Variants in KASH5 observed in about 807,000 individuals in gnomAD.
KASH5 encodes the protein KASH domain containing 5, also known as protein KASH5.
Under a neutral mutation model 84.2 loss-of-function variants are expected in KASH5, and 72 were observed. The observed-to-expected ratio is 0.85, with a 90% CI of 0.71 to 1.04. KASH5 has a LOEUF of 1.04. KASH5 is among the 50% of genes least tolerant of loss of function. The pLI, the probability that KASH5 is intolerant of heterozygous loss-of-function variation, is 0.00. For synonymous variants in KASH5, 260 were observed against 279.1 expected (o/e 0.93, Z 0.68); for missense variants, 650 against 701.0 (o/e 0.93, Z 0.82).
intron 5 of KASH5, among the ~76,000 whole-genome samples, chr19:49,396,947 G>A (rs1167236499): frequency 6.6e-6 from 1 of 151,878 alleles, no homozygotes; most frequent in Non-Finnish European, 1.5e-5. Context: ...GGTCCTAGCC[G>A]GGACACTGAG....
chr19:49,407,744 TCTC>T, intron 12 of KASH5, 73 bp downstream of exon 12: 5 of 1,463,618 alleles, frequency 3.4e-6, no homozygotes, highest in Non-Finnish European at 3.8e-6. Flanking sequence ...ACTTGCTGCC[TCTC>T]CTCCTCGTGC....
At position 49,388,264 on chromosome 19, in the gene KASH5, A is replaced by G. The variant is rs1293537727; in HGVS notation, c.-159A>G. 1.3e-5 allele frequency: 2 copies of G among 152,180 alleles called. No individual in the cohort carries two copies. The highest frequency in any genetic ancestry group is 2.4e-5 in the African/African-American group (1 of 41,432). 9.4% of individuals were successfully genotyped at this position (152,180 alleles called of 1,614,324 possible). ...GGAAAAGCTCACGCGCACCTCCCCCAACTCAACTGCCGTTCGTCGTTCGTG... is the reference window on the plus strand; with the variant it reads ...GGAAAAGCTCACGCGCACCTCCCCCGACTCAACTGCCGTTCGTCGTTCGTG... On this transcript the variant is annotated 5_prime_UTR_variant, in exon 1 of 20. Transcript: ENST00000447857.
intron 2 of KASH5, chr19:49,391,761 CTGT>C (rs1198142246): frequency 1.3e-5 from 2 of 152,176 alleles, no homozygotes; most frequent in African/African-American, 4.8e-5. Flanking sequence ...AGCTCACTTA[CTGT>C]TGAGTGAACG....
In KASH5 at chr19:49,414,312, T is replaced by A. The variant is rs1400510425; in HGVS notation, c.1329-639T>A. On this transcript the variant is annotated intron_variant, in intron 16 of 19. Transcript: ENST00000447857. The surrounding 1 kb of genome is among the most constrained non-coding windows in gnomAD (Gnocchi z 4.5). ...CTTCCAGTCCTCCTGGAAGAGGGTC[T>A]TGCACCTAAGAGGATTCGGCATGGG... is the stretch of plus-strand genomic sequence containing the variant. 6.6e-6 allele frequency among the ~76,000 whole-genome samples: 1 copy of A among 152,072 alleles called. No individual in the cohort carries two copies. Among genetic ancestry groups the A allele is most frequent in the Non-Finnish European group, 1.5e-5 (1 of 67,996 alleles).
intron 10 of KASH5, 95 bp from the exon 11 acceptor site, chr19:49,407,145 G>C (rs757894941): frequency 1.9e-5 from 28 of 1,449,922 alleles, no homozygotes; most frequent in Non-Finnish European, 2.6e-5. Flanking sequence ...GGCTGAATAC[G>C]TGGGGGTGCG....
At chr19:49,393,999 T>C (rs1191557220) in intron 2 of KASH5, among the ~76,000 whole-genome samples, 1 of 152,170 alleles carries the variant, frequency 6.6e-6, no homozygotes, top group Non-Finnish European at 1.5e-5. Flanking sequence ...GAGAGAGACC[T>C]GGTCCCCAGG....
Position 49,399,731 on chromosome 19 carries a change from C to G in KASH5, c.798+224C>G. ...CTACATGGCTTCAGGCTGAGGCCAC[C>G]TACATAAGAGTGGACCAGTGCCTCC... On this transcript the variant is annotated intron_variant, in intron 9 of 19. Transcript: ENST00000447857. This position sits in a 1 kb window ranked among gnomAD's most constrained non-coding sequence, Gnocchi z 4.4. The G allele has an allele frequency of 5.3e-6, 7 of 1,327,104 alleles. No homozygotes were observed. The highest frequency in any genetic ancestry group is 1.5e-5 in the African/African-American group (1 of 67,956). 82.2% of individuals were successfully genotyped at this position (1,327,104 alleles called of 1,614,324 possible). A position where few individuals can be genotyped will look rare whatever the true frequency, so the allele number is the denominator to read the frequency against.
intron 2 of KASH5, among the ~76,000 whole-genome samples, chr19:49,393,898 C>T (rs1974086620): frequency 6.6e-6 from 1 of 152,186 alleles, no homozygotes. Flanking sequence ...TCCCTCACTG[C>T]CCACCCTGTC....
At chr19:49,394,801 C>A in intron 3 of KASH5, 1 of 591,954 alleles carries the variant, frequency 1.7e-6, no homozygotes, top group Non-Finnish European at 3.0e-6. Flanking sequence ...TGGAAGAGGG[C>A]AGAGTTTTGG....
intron 3 of KASH5, chr19:49,394,889 T>C: frequency 3.4e-6 from 2 of 588,928 alleles, no homozygotes; most frequent in Non-Finnish European, 6.0e-6. Flanking sequence ...TCCATCCCCT[T>C]TGGTTTACCC....
At chr19:49,410,059 C>T (rs1403702814) in intron 15 of KASH5, among the ~76,000 whole-genome samples, 184 bp downstream of exon 15, 2 of 152,246 alleles carry the variant, frequency 1.3e-5, no homozygotes, top group East Asian at 3.8e-4. Flanking sequence ...ACCCCTACCC[C>T]AGGGACTGAC....
At chr19:49,391,048 G>T (rs1973988042) in intron 2 of KASH5, 122 bp downstream of exon 2, 2 of 1,073,362 alleles carry the variant, frequency 1.9e-6, no homozygotes, top group Admixed American at 2.5e-5. Flanking sequence ...CCTTTGCATG[G>T]GTGCAGAGTG....
Position 49,417,446 on chromosome 19 carries a change from G to A in KASH5, c.1625G>A (p.Gly542Asp). The A allele has an allele frequency of 1.3e-6, 2 of 1,555,114 alleles. No individual in the cohort carries two copies. The highest frequency in any genetic ancestry group is 1.2e-5 in the South Asian group (1 of 84,248). ...CTGCTGCTCTCTGTCCTGCTGCTTG[G>A]CCCGTCCCCACCTCCCACCTGGCCC... is the stretch of plus-strand genomic sequence containing the variant. ...LLLLLSVLLL[G>D]PSPPPTWPHL... Residue 542 changes from glycine to aspartate, a missense_variant, in exon 20 of 20, where the codon GGC (glycine) becomes GAC (aspartate). Physicochemically the swap from Gly to Asp is moderately conservative, Grantham distance 94. Transcript: ENST00000447857. The surrounding 1 kb of genome is among the most constrained non-coding windows in gnomAD (Gnocchi z 5.2).
chr19:49,389,103 G>C, intron 1 of KASH5, among the ~76,000 whole-genome samples: 1 of 97,094 alleles, frequency 1.0e-5, no homozygotes, highest in Non-Finnish European at 1.9e-5. Context: ...CCAAAATCCA[G>C]CCAGAGACCC....
At chr19:49,396,734 A>C (rs1255488804) in intron 5 of KASH5, among the ~76,000 whole-genome samples, 1 of 151,976 alleles carries the variant, frequency 6.6e-6, no homozygotes, top group Non-Finnish European at 1.5e-5. Flanking sequence ...TCACCATTGT[A>C]TCCCCAGGAC....
chr19:49,397,286 G>A (rs1354938832), intron 5 of KASH5, among the ~76,000 whole-genome samples: 1 of 151,988 alleles, frequency 6.6e-6, no homozygotes, highest in Non-Finnish European at 1.5e-5. Context: ...GGAGCAGAGA[G>A]TCAGGGGCAG....
In KASH5 at chr19:49,390,835, A is replaced by T. The variant is rs1482643897; in HGVS notation, c.-49A>T. 1 of 1,565,668 alleles carries T rather than the reference A, an allele frequency of 6.4e-7. No individual in the cohort carries two copies. The highest frequency in any genetic ancestry group is 8.6e-7 in the Non-Finnish European group (1 of 1,158,716). On this transcript the variant is annotated 5_prime_UTR_variant, in exon 2 of 20. Transcript: ENST00000447857. ...CTTTTCCCATCCCTCCCCATGAAGG[A>T]GGGAGGCTGGTAGCTTTGCCAGCAG...
rs922246974 is a variant in KASH5, at chr19:49,417,452, C to T, written c.1631C>T (p.Ser544Phe). Reference sequence around the variant, plus strand: ...CTCTCTGTCCTGCTGCTTGGCCCGTCCCCACCTCCCACCTGGCCCCACCTC... The same window carrying T: ...CTCTCTGTCCTGCTGCTTGGCCCGTTCCCACCTCCCACCTGGCCCCACCTC... ...LLLSVLLLGP[S>F]PPPTWPHLQL... Residue 544 changes from serine (S) to phenylalanine (F), a missense_variant, in exon 20 of 20, where the codon TCC becomes TTC. Ser to Phe is a radical substitution (Grantham distance 155, BLOSUM62 -2). Transcript: ENST00000447857. This position sits in a 1 kb window ranked among gnomAD's most constrained non-coding sequence, Gnocchi z 5.2. 5.8e-6 allele frequency: 9 copies of T among 1,554,812 alleles called. No homozygotes were observed. The Admixed American group carries it at 7.8e-5, about 13-fold the overall frequency.
At chr19:49,390,950 C>T in intron 2 of KASH5, 24 bp downstream of exon 2, 1 of 1,604,474 alleles carries the variant, frequency 6.2e-7, no homozygotes, top group South Asian at 1.1e-5. Flanking sequence ...ACCCTATTTG[C>T]CCCGGGGAGG....
Sources: allele counts gnomAD v4.1 joint callset (sites outside exome capture counted in the v4.1 genomes callset), GRCh38; gene constraint gnomAD v4.1.1; non-coding constraint Gnocchi (gnomAD v3.1); transcripts MANE v1.5; gene names NCBI Gene and HGNC (gene_info 2026-07-23, HGNC 2026-07-21).